The following SPTLC2 variants were observed in gnomAD, a reference collection of about 807,000 sequenced individuals.
SPTLC2 encodes the protein serine palmitoyltransferase long chain base subunit 2, also known as serine palmitoyltransferase 2.
SPTLC2 carries 21 observed loss-of-function variants against 62.0 expected under a neutral mutation model. That is an observed-to-expected ratio of 0.34 (90% CI 0.24 to 0.49). The LOEUF (loss-of-function observed/expected upper bound fraction) is 0.49. Ranked by LOEUF, SPTLC2 falls within the 20% of genes least tolerant of loss-of-function variation. The pLI is 0.99. For missense variants in SPTLC2, 511 were observed against 713.0 expected, an observed-to-expected ratio of 0.72 and a Z score of 3.23; for synonymous variants, 261 against 261.8, an observed-to-expected ratio of 1.00 and a Z score of 0.03.
At position 77,616,625 on chromosome 14, in the gene SPTLC2, AGCG is replaced by A. The variant is rs1566797254; in HGVS notation, c.-49_-47del. On this transcript the variant is annotated 5_prime_UTR_variant, in exon 1 of 12. Coordinates refer to ENST00000216484, the MANE Select transcript of SPTLC2 (RefSeq NM_004863.4). The stretch of plus-strand genomic sequence containing the variant: ...CAAGGCAGGCTCTGTAGGCGGTGGC[AGCG>A]GCGGCGGCTGCTCCAAGTCCCGCTC... 3.3e-6 allele frequency: 5 copies of A among 1,520,692 alleles called. No homozygotes were observed. Among genetic ancestry groups the A allele is most frequent in the South Asian group, 2.4e-5 (2 of 83,818 alleles). The allele number at this position is 1,520,692 out of a possible 1,614,324, so 94.2% of individuals were successfully genotyped here.
At chr14:77,591,189 C>T (rs555013599) in intron 2 of SPTLC2, among the ~76,000 whole-genome samples, 51 of 152,252 alleles carry the variant, frequency 3.3e-4, no homozygotes, top group Middle Eastern at 3.4e-3. Context: ...AAATACATTA[C>T]GCCAAGTGAA....
intron 2 of SPTLC2, among the ~76,000 whole-genome samples, chr14:77,589,028 A>AAAAAAAAAAC (rs1566788868): frequency 2.5e-5 from 3 of 118,636 alleles, no homozygotes; most frequent in African/African-American, 1.0e-4. Context: ...AAAAAAAAAA[A>AAAAAAAAAAC]ACACACAAAG....
At chr14:77,588,337 T>G (rs949760142) in intron 2 of SPTLC2, among the ~76,000 whole-genome samples, 5 of 152,126 alleles carry the variant, frequency 3.3e-5, no homozygotes, top group Non-Finnish European at 7.3e-5. Context: ...AATTAAGAAT[T>G]TTTAAATCCC....
intron 8 of SPTLC2, among the ~76,000 whole-genome samples, chr14:77,554,232 T>C (rs758166442): frequency 2.0e-5 from 3 of 152,214 alleles, no homozygotes; most frequent in Non-Finnish European, 4.4e-5. Context: ...TTCCCTAACA[T>C]TGCAATCAAC....
At chr14:77,551,856 T>C (rs917817730) in intron 9 of SPTLC2, among the ~76,000 whole-genome samples, 2 of 152,150 alleles carry the variant, frequency 1.3e-5, no homozygotes, top group Non-Finnish European at 2.9e-5. Context: ...AGAGGGTATG[T>C]AGGATAGTAA....
intron 6 of SPTLC2, among the ~76,000 whole-genome samples, chr14:77,558,661 G>A (rs1364278071): frequency 6.8e-5 from 10 of 146,318 alleles, no homozygotes; most frequent in Non-Finnish European, 1.2e-4. Context: ...TTGCTCTGTC[G>A]CCAAGGCAGG....
At position 77,597,240 on chromosome 14, in the gene SPTLC2, C is replaced by T. The variant is rs145489962; in HGVS notation, c.273G>A (p.Leu91=). 6.2e-7 allele frequency: 1 copy of T among 1,614,082 alleles called. No individual in the cohort carries two copies. The highest frequency in any genetic ancestry group is 1.3e-5 in the African/African-American group (1 of 74,922). ...GACACTTTTCAATTCTCCAATACCTCAAGAAATCTCGAAGATATCCAAAGA... is the reference window on the plus strand; with the variant it reads ...GACACTTTTCAATTCTCCAATACCTTAAGAAATCTCGAAGATATCCAAAGA... ...LTLFGYLRDF[L]RYWRIEKCHH... Residue 91 remains leucine (L), a synonymous_variant, in exon 2 of 12, where the codon TTG becomes TTA. Coordinates refer to ENST00000216484, the MANE Select transcript of SPTLC2 (RefSeq NM_004863.4).
At chr14:77,592,075 C>A (rs903659408) in intron 2 of SPTLC2, among the ~76,000 whole-genome samples, 2 of 151,740 alleles carry the variant, frequency 1.3e-5, no homozygotes, top group South Asian at 2.1e-4. Flanking sequence ...AGAAGACAAA[C>A]CAAACAATCA....
chr14:77,533,961 C>T (rs529326250), intron 9 of SPTLC2, among the ~76,000 whole-genome samples: 5 of 152,086 alleles, frequency 3.3e-5, no homozygotes, highest in African/African-American at 1.2e-4. Flanking sequence ...GAGTTCAAGA[C>T]CAGCCTGGGC....
chr14:77,615,939 T>C (rs1325588175), intron 1 of SPTLC2, among the ~76,000 whole-genome samples: 4 of 152,200 alleles, frequency 2.6e-5, no homozygotes, highest in African/African-American at 7.2e-5. Flanking sequence ...CTGAACGTGG[T>C]AGTCCAGAAT....
intron 9 of SPTLC2, among the ~76,000 whole-genome samples, chr14:77,525,848 A>G (rs1373837005): frequency 6.6e-6 from 1 of 152,170 alleles, no homozygotes; most frequent in Non-Finnish European, 1.5e-5. Context: ...CAGGAGGCGG[A>G]GCTTGCAGTG....
intron 2 of SPTLC2, among the ~76,000 whole-genome samples, chr14:77,588,860 G>A (rs545964919): frequency 2.4e-4 from 36 of 151,750 alleles, no homozygotes; most frequent in Non-Finnish European, 4.7e-4. Context: ...GCAGGGCATG[G>A]TGGTACGTGC....
At chr14:77,519,027 T>G (rs2079372571) in intron 10 of SPTLC2, among the ~76,000 whole-genome samples, 1 of 152,234 alleles carries the variant, frequency 6.6e-6, no homozygotes, top group African/African-American at 2.4e-5. Context: ...TAACTTTTAG[T>G]TAATTTTGTC....
chr14:77,579,516 A>G (rs774436568), intron 2 of SPTLC2, among the ~76,000 whole-genome samples: 20 of 152,176 alleles, frequency 1.3e-4, no homozygotes, highest in Non-Finnish European at 2.8e-4. Context: ...TAGAAAGCCA[A>G]TGCAGGAGGA....
At chr14:77,524,818 G>A (rs1312789189) in intron 9 of SPTLC2, among the ~76,000 whole-genome samples, 5 of 152,160 alleles carry the variant, frequency 3.3e-5, no homozygotes, top group African/African-American at 7.2e-5. Flanking sequence ...CATGGAGGTA[G>A]AGAGTAGAAC....
intron 10 of SPTLC2, among the ~76,000 whole-genome samples, chr14:77,518,480 C>G (rs1326931627): frequency 6.6e-6 from 1 of 151,860 alleles, no homozygotes; most frequent in East Asian, 1.9e-4. Flanking sequence ...ACCTGTAGTC[C>G]CAGCTACTCA....
At position 77,591,255 on chromosome 14, in the gene SPTLC2, A is replaced by G. The variant is rs79630123; in HGVS notation, c.327+5931T>C. On this transcript the variant is annotated intron_variant, in intron 2 of 11. Coordinates refer to ENST00000216484, the MANE Select transcript of SPTLC2 (RefSeq NM_004863.4). ...ATGATCCCATTTACATGAAACATCC[A>G]TTTATATGAAAAGTCCCGAATAGTA... Among the ~76,000 whole-genome samples, 557 of 152,348 alleles carry G rather than the reference A, an allele frequency of 3.7e-3. 2 individuals carry two copies. The highest frequency in any genetic ancestry group is 0.017 in the Middle Eastern group (5 of 294).
At position 77,510,135 on chromosome 14, in the gene SPTLC2, T is replaced by G. The variant is rs978970446; in HGVS notation, c.*2149A>C. The G allele has an allele frequency of 7.6e-6, 3 of 393,002 alleles. No individual in the cohort carries two copies. The highest frequency in any genetic ancestry group is 6.2e-5 in the African/African-American group (3 of 48,534). The allele number at this position is 393,002 out of a possible 1,614,324, so 24.3% of individuals were successfully genotyped here. On this transcript the variant is annotated 3_prime_UTR_variant, in exon 12 of 12. Coordinates refer to ENST00000216484, the MANE Select transcript of SPTLC2 (RefSeq NM_004863.4). Reference sequence around the variant, plus strand: ...TTGATTTTATAGGACTCCTATTTAGTTACCACAACCTCCTTCTTACTTTAA... The same window carrying G: ...TTGATTTTATAGGACTCCTATTTAGGTACCACAACCTCCTTCTTACTTTAA...
At chr14:77,543,037 AG>A (rs796911676) in intron 9 of SPTLC2, among the ~76,000 whole-genome samples, 3 of 152,318 alleles carry the variant, frequency 2.0e-5, no homozygotes, top group South Asian at 4.1e-4. Context: ...ACCCACAGGC[AG>A]GACAGAAAGT....
Sources: gnomAD v4.1 joint callset for allele counts (sites outside exome capture counted in the v4.1 genomes callset) on GRCh38, gnomAD v4.1.1 for gene constraint, MANE v1.5 for transcripts, NCBI Gene and HGNC (gene_info 2026-07-23, HGNC 2026-07-21) for gene names.